The following PAPPA2 variants were observed in gnomAD, a reference collection of about 807,000 sequenced individuals.
The protein encoded by PAPPA2 is pappalysin 2, also known as pappalysin-2.
Under a neutral mutation model 176.4 loss-of-function variants are expected in PAPPA2, and 86 were observed. The observed-to-expected ratio is 0.49, with a 90% CI of 0.41 to 0.58. The LOEUF is 0.58. Ranked by LOEUF, PAPPA2 falls within the 20% of genes least tolerant of loss-of-function variation. PAPPA2 has a pLI of 0.00. For missense variants in PAPPA2, 2,073 were observed against 2,256.9 expected, an observed-to-expected ratio of 0.92 and a Z score of 1.65; for synonymous variants, 809 against 852.2, an observed-to-expected ratio of 0.95 and a Z score of 0.88.
In PAPPA2 at chr1:176,840,259, C is replaced by G; in HGVS notation, c.5289C>G (p.Leu1763=). ...YDGGDCCSST[L]SSKKVIPFAA... ...GGGGAGACTGCTGCTCTTCCACACT[C>G]TCCTCCAAGAAGGTGAGTGAGAGAA... The change falls in exon 22 of 23, where the codon CTC becomes CTG. Residue 1763 remains leucine, a synonymous_variant. Coordinates refer to ENST00000367662, the MANE Select transcript of PAPPA2 (RefSeq NM_020318.3). The G allele has an allele frequency of 6.2e-7, 1 of 1,612,218 alleles. No homozygotes were observed. The highest frequency in any genetic ancestry group is 8.5e-7 in the Non-Finnish European group (1 of 1,178,656).
chr1:176,694,968 A>G (rs1660301032), intron 6 of PAPPA2, among the ~76,000 whole-genome samples: 1 of 152,212 alleles, frequency 6.6e-6, no homozygotes, highest in African/African-American at 2.4e-5. Context: ...GGTCACTCAG[A>G]GGAGAGAGGC....
intron 4 of PAPPA2, among the ~76,000 whole-genome samples, chr1:176,678,437 T>C (rs1432016490): frequency 6.6e-6 from 1 of 152,258 alleles, no homozygotes; most frequent in South Asian, 2.1e-4. Context: ...TTACTTTTTT[T>C]TTTTTAAAGG....
chr1:176,482,014 G>T (rs565281465), intron 1 of PAPPA2, among the ~76,000 whole-genome samples: 1 of 152,248 alleles, frequency 6.6e-6, no homozygotes, highest in South Asian at 2.1e-4. Flanking sequence ...AGCCGGACAA[G>T]AATAGATGCA....
At chr1:176,634,048 A>T (rs1310191821) in intron 3 of PAPPA2, among the ~76,000 whole-genome samples, 2 of 152,168 alleles carry the variant, frequency 1.3e-5, no homozygotes, top group Non-Finnish European at 2.9e-5. Flanking sequence ...TTCCTCGGGG[A>T]TCTAGAACTA....
chr1:176,637,818 CTT>C (rs1272247112), intron 3 of PAPPA2, among the ~76,000 whole-genome samples: 1 of 152,094 alleles, frequency 6.6e-6, no homozygotes, highest in African/African-American at 2.4e-5. Context: ...TCTGCCTACT[CTT>C]TTGCTTCTTT....
intron 3 of PAPPA2, among the ~76,000 whole-genome samples, chr1:176,643,254 T>A (rs1442046000): frequency 6.6e-6 from 1 of 151,902 alleles, no homozygotes; most frequent in African/African-American, 2.4e-5. Flanking sequence ...ATGGCAGAGC[T>A]GGACTGTAAA....
intron 1 of PAPPA2, among the ~76,000 whole-genome samples, chr1:176,520,317 T>C (rs1649142878): frequency 6.6e-6 from 1 of 152,186 alleles, no homozygotes; most frequent in Non-Finnish European, 1.5e-5. Context: ...TCTTAGCTTC[T>C]CAGAACTACC....
At chr1:176,570,647 C>T (rs1652270672) in intron 2 of PAPPA2, among the ~76,000 whole-genome samples, 3 of 151,088 alleles carry the variant, frequency 2.0e-5, no homozygotes. Context: ...GGCAGCCTTG[C>T]TGGGCCTTTG....
At chr1:176,494,474 C>T (rs950672373) in intron 1 of PAPPA2, among the ~76,000 whole-genome samples, 1 of 152,134 alleles carries the variant, frequency 6.6e-6, no homozygotes, top group Non-Finnish European at 1.5e-5. Context: ...GTTGCATTTT[C>T]CTGACCCTTG....
At position 176,595,851 on chromosome 1, in the gene PAPPA2, G is replaced by A. The variant is rs184061079; in HGVS notation, c.1991+256G>A. On this transcript the variant is annotated intron_variant, in intron 3 of 22. Coordinates refer to ENST00000367662, the MANE Select transcript of PAPPA2 (RefSeq NM_020318.3). ...GAAAGCTGTGTACACAGTGTGAAGC[G>A]CACCCAAAAGCATATGCACCAGGTA... Among the ~76,000 whole-genome samples, 16 of 152,226 alleles carry A rather than the reference G, an allele frequency of 1.1e-4. No individual in the cohort carries two copies. The East Asian group carries it at 1.7e-3, about 17-fold the overall frequency.
At chr1:176,694,332 C>T (rs1456865568) in intron 6 of PAPPA2, among the ~76,000 whole-genome samples, 1 of 152,192 alleles carries the variant, frequency 6.6e-6, no homozygotes, top group Non-Finnish European at 1.5e-5. Flanking sequence ...TGGGAACTTG[C>T]TCAAAGGAAT....
chr1:176,700,439 A>G (rs1660599828), intron 8 of PAPPA2, among the ~76,000 whole-genome samples: 1 of 152,208 alleles, frequency 6.6e-6, no homozygotes, highest in Non-Finnish European at 1.5e-5. Flanking sequence ...AACAAACATT[A>G]TTTCTCATGA....
At chr1:176,781,761 T>C (rs1351180352) in intron 17 of PAPPA2, among the ~76,000 whole-genome samples, 1 of 152,162 alleles carries the variant, frequency 6.6e-6, no homozygotes, top group East Asian at 1.9e-4. Flanking sequence ...CACATTCTTG[T>C]TGAGTCAGTC....
intron 1 of PAPPA2, among the ~76,000 whole-genome samples, chr1:176,537,571 A>G (rs865899958): frequency 2.6e-5 from 4 of 152,236 alleles, no homozygotes; most frequent in Non-Finnish European, 4.4e-5. Context: ...TACAGAATGG[A>G]ATAGACCTTG....
At chr1:176,495,914 T>G (rs564161343) in intron 1 of PAPPA2, among the ~76,000 whole-genome samples, 1 of 152,232 alleles carries the variant, frequency 6.6e-6, no homozygotes, top group East Asian at 1.9e-4. Flanking sequence ...AGTATAGGCA[T>G]GAGCTATTAT....
chr1:176,791,490 T>C lies in PAPPA2; in HGVS notation c.5020+8T>C, dbSNP rs1162115038. The C allele has an allele frequency of 3.1e-6, 5 of 1,608,290 alleles. No individual in the cohort carries two copies. The highest frequency in any genetic ancestry group is 4.2e-6 in the Non-Finnish European group (5 of 1,177,320). Reference sequence around the variant, plus strand: ...AACAAGGATATGGGATTGGTAAGGATAGGAGTGAATCTTAAAGTCAATTTC... The same window carrying C: ...AACAAGGATATGGGATTGGTAAGGACAGGAGTGAATCTTAAAGTCAATTTC... On this transcript the variant is annotated splice_region_variant and intron_variant, in intron 19 of 22. Transcript: ENST00000367662.
intron 12 of PAPPA2, among the ~76,000 whole-genome samples, chr1:176,730,698 G>A (rs1476352530): frequency 1.3e-5 from 2 of 151,028 alleles, no homozygotes; most frequent in Non-Finnish European, 3.0e-5. Context: ...CTAGGTTTTG[G>A]TGTTGAAATG....
chr1:176,786,161 A>C (rs1223953568), intron 17 of PAPPA2, among the ~76,000 whole-genome samples: 2 of 152,210 alleles, frequency 1.3e-5, no homozygotes, highest in Non-Finnish European at 2.9e-5. Flanking sequence ...GAGAGGGACA[A>C]AAAGGAGCCT....
chr1:176,694,209 G>C (rs944907089), intron 6 of PAPPA2, among the ~76,000 whole-genome samples: 2 of 152,230 alleles, frequency 1.3e-5, no homozygotes, highest in African/African-American at 2.4e-5. Flanking sequence ...AAGTGCATCA[G>C]AGGAATGAGC....
Sources: allele counts gnomAD v4.1 joint callset (sites outside exome capture counted in the v4.1 genomes callset), GRCh38; gene constraint gnomAD v4.1.1; transcripts MANE v1.5; gene names NCBI Gene and HGNC (gene_info 2026-07-23, HGNC 2026-07-21).